Variants in RORA observed in about 807,000 individuals in gnomAD.
The protein encoded by RORA is RAR related orphan receptor A, also known as nuclear receptor ROR-alpha.
RORA carries 7 observed loss-of-function variants against 69.5 expected under a neutral mutation model. That is an observed-to-expected ratio of 0.10 (90% CI 0.06 to 0.19). RORA has a LOEUF of 0.19. Among genes scored for constraint, RORA ranks in the 10% least tolerant of loss-of-function variants. RORA has a pLI of 1.00. For missense variants in RORA, 457 were observed against 663.0 expected (o/e 0.69, Z 3.41); for synonymous variants, 261 against 240.8 (o/e 1.08, Z -0.78).
intron 1 of RORA, among the ~76,000 whole-genome samples, chr15:61,150,754 A>G (rs937508265): frequency 6.6e-6 from 1 of 152,156 alleles, no homozygotes; most frequent in South Asian, 2.1e-4. Context: ...AAGCAGTTTG[A>G]CCAGGGGAAA....
chr15:61,200,585 T>C (rs898706447), intron 1 of RORA, among the ~76,000 whole-genome samples: 48 of 152,198 alleles, frequency 3.2e-4, no homozygotes, highest in African/African-American at 1.1e-3. Flanking sequence ...CTCCTAGTCT[T>C]CCCTGTGCCT....
chr15:60,556,946 A>G (rs1323288753), intron 2 of RORA: 1 of 1,594,926 alleles, frequency 6.3e-7, no homozygotes, highest in Non-Finnish European at 8.6e-7. Flanking sequence ...GTCCACCCCA[A>G]TCCAATGATA....
At chr15:60,498,236 C>T (rs556509882) in intron 10 of RORA, among the ~76,000 whole-genome samples, 1 of 152,310 alleles carries the variant, frequency 6.6e-6, no homozygotes, top group African/African-American at 2.4e-5. Flanking sequence ...ACTTCTTCTA[C>T]TCCAAGATGC....
At chr15:60,948,300 GTC>G (rs1436230113) in intron 1 of RORA, among the ~76,000 whole-genome samples, 2 of 151,500 alleles carry the variant, frequency 1.3e-5, no homozygotes, top group Non-Finnish European at 2.9e-5. Flanking sequence ...ATGAAAAAAT[GTC>G]TCTGCTTTTT....
At chr15:61,212,265 A>AAG (rs1357700862) in intron 1 of RORA, among the ~76,000 whole-genome samples, 1 of 151,796 alleles carries the variant, frequency 6.6e-6, no homozygotes, top group Non-Finnish European at 1.5e-5. Flanking sequence ...TTTTAAAAAA[A>AAG]AAAGGCTGCA....
chr15:61,152,648 T>C (rs1426430390), intron 1 of RORA, among the ~76,000 whole-genome samples: 1 of 152,170 alleles, frequency 6.6e-6, no homozygotes, highest in Non-Finnish European at 1.5e-5. Context: ...ACAAGAGATC[T>C]TTCTGCCCTT....
intron 1 of RORA, among the ~76,000 whole-genome samples, chr15:60,865,156 T>C: frequency 6.6e-6 from 1 of 152,212 alleles, no homozygotes; most frequent in Non-Finnish European, 1.5e-5. Context: ...AGAAAGATGT[T>C]TGATAGACCT....
At chr15:60,953,660 A>G (rs1893175917) in intron 1 of RORA, among the ~76,000 whole-genome samples, 1 of 147,700 alleles carries the variant, frequency 6.8e-6, no homozygotes, top group Non-Finnish European at 1.5e-5. Context: ...TCAAAAGAAG[A>G]CATTTATGCA....
rs77898269 is a variant in RORA, at chr15:60,724,036, C to T, written c.167-45350G>A. Among the ~76,000 whole-genome samples the T allele has an allele frequency of 7.3e-3, 1,106 of 152,288 alleles. 7 individuals are homozygous for T. The highest frequency in any genetic ancestry group is 0.013 in the South Asian group (63 of 4,824). On this transcript the variant is annotated intron_variant, in intron 1 of 10. Transcript: ENST00000335670. ...TGTACCAAATCTGATAGTGTGCAATCTGTATACTGACTTTACCTCTGGCTT... is the reference window on the plus strand; with the variant it reads ...TGTACCAAATCTGATAGTGTGCAATTTGTATACTGACTTTACCTCTGGCTT...
chr15:61,085,799 T>C (rs1365699714), intron 1 of RORA, among the ~76,000 whole-genome samples: 1 of 152,222 alleles, frequency 6.6e-6, no homozygotes, highest in Non-Finnish European at 1.5e-5. Flanking sequence ...CACTCACTTA[T>C]ATGCAAAGAC....
At chr15:60,652,086 C>A (rs1012540130) in intron 2 of RORA, among the ~76,000 whole-genome samples, 1 of 151,994 alleles carries the variant, frequency 6.6e-6, no homozygotes, top group African/African-American at 2.4e-5. Context: ...TGTTAGGTGT[C>A]CTCTGTGCTA....
chr15:60,856,206 G>C (rs998318649), intron 1 of RORA, among the ~76,000 whole-genome samples: 1 of 152,176 alleles, frequency 6.6e-6, no homozygotes, highest in Non-Finnish European at 1.5e-5. Context: ...AATGAAAAGA[G>C]CTCAGGTAAA....
At chr15:60,500,305 G>GCC (rs2065290733) in intron 9 of RORA, among the ~76,000 whole-genome samples, 3 of 152,220 alleles carry the variant, frequency 2.0e-5, no homozygotes, top group African/African-American at 7.2e-5. Context: ...AACCATCATG[G>GCC]CCCCTCGAGA....
chr15:60,808,257 G>A (rs571582143), intron 1 of RORA, among the ~76,000 whole-genome samples: 1 of 152,220 alleles, frequency 6.6e-6, no homozygotes, highest in East Asian at 1.9e-4. Context: ...CTAAGGACAT[G>A]AATAGACAAT....
At chr15:61,126,017 A>T (rs757942046) in intron 1 of RORA, among the ~76,000 whole-genome samples, 1 of 152,228 alleles carries the variant, frequency 6.6e-6, no homozygotes, top group Non-Finnish European at 1.5e-5. Flanking sequence ...ATCTTGTATT[A>T]CATTAAATTA....
chr15:60,589,325 A>C (rs1055356583), intron 2 of RORA, among the ~76,000 whole-genome samples: 10 of 152,248 alleles, frequency 6.6e-5, no homozygotes, highest in Non-Finnish European at 8.8e-5. Context: ...CACATGAATC[A>C]GGCCGGACGA....
At chr15:60,776,230 C>T (rs184196925) in intron 1 of RORA, among the ~76,000 whole-genome samples, 19 of 152,328 alleles carry the variant, frequency 1.2e-4, no homozygotes, top group African/African-American at 3.6e-4. Context: ...TTTCTCTCCC[C>T]GCCACTCTTA....
At chr15:60,936,430 G>C (rs1892524913) in intron 1 of RORA, among the ~76,000 whole-genome samples, 1 of 152,216 alleles carries the variant, frequency 6.6e-6, no homozygotes, top group African/African-American at 2.4e-5. Flanking sequence ...AGCCTGGATG[G>C]AGAAACAGAG....
intron 1 of RORA, among the ~76,000 whole-genome samples, chr15:61,035,590 G>A (rs1896417377): frequency 6.6e-6 from 1 of 152,168 alleles, no homozygotes; most frequent in South Asian, 2.1e-4. Flanking sequence ...AGACCTTCAA[G>A]CTTCTAGAAT....
Sources: gnomAD v4.1 joint callset for allele counts (sites outside exome capture counted in the v4.1 genomes callset) on GRCh38, gnomAD v4.1.1 for gene constraint, MANE v1.5 for transcripts, NCBI Gene and HGNC (gene_info 2026-07-23, HGNC 2026-07-21) for gene names.